The following ZNF362 variants were observed in gnomAD, a reference collection of about 807,000 sequenced individuals.
ZNF362 encodes the protein rotund homolog.
In ZNF362, 11 loss-of-function variants were observed where a neutral mutation model predicts 42.9. The observed-to-expected ratio is 0.26, with a 90% CI of 0.16 to 0.42. The LOEUF is 0.42. Among genes scored for constraint, ZNF362 ranks in the 20% least tolerant of loss-of-function variants. ZNF362 has a pLI of 1.00. For synonymous variants in ZNF362, 255 were observed against 257.3 expected, an observed-to-expected ratio of 0.99 and a Z score of 0.09; for missense variants, 362 against 576.2, an observed-to-expected ratio of 0.63 and a Z score of 3.81.
chr1:33,239,751 G>C, the ZNF362 span, among the ~76,000 whole-genome samples: 187 of 152,282 alleles, frequency 1.2e-3, 1 homozygote, highest in South Asian at 3.3e-3. Flanking sequence ...CCCTTGACAC[G>C]TGGAGATTAC....
the ZNF362 span, among the ~76,000 whole-genome samples, chr1:33,223,414 A>T: frequency 5.3e-5 from 8 of 152,332 alleles, no homozygotes; most frequent in South Asian, 1.2e-3. Flanking sequence ...TCTTTTGTAG[A>T]TTGCCCAGTC....
chr1:33,207,591 T>C, the ZNF362 span, among the ~76,000 whole-genome samples: 1 of 152,234 alleles, frequency 6.6e-6, no homozygotes, highest in East Asian at 1.9e-4. Flanking sequence ...TTCCTATTTT[T>C]CCACATCCTC....
chr1:33,207,432 G>A, the ZNF362 span, among the ~76,000 whole-genome samples: 1 of 152,142 alleles, frequency 6.6e-6, no homozygotes, highest in Non-Finnish European at 1.5e-5. Context: ...TGTCTTTATA[G>A]CAGCATGATT....
At chr1:33,218,086 C>T in the ZNF362 span, among the ~76,000 whole-genome samples, 7 of 152,224 alleles carry the variant, frequency 4.6e-5, no homozygotes, top group East Asian at 1.2e-3. Context: ...GCAGCAAACA[C>T]CTTTAAACAT....
chr1:33,230,882 G>A, the ZNF362 span, among the ~76,000 whole-genome samples: 1 of 152,172 alleles, frequency 6.6e-6, no homozygotes, highest in Non-Finnish European at 1.5e-5. Flanking sequence ...GAGATGCTCA[G>A]GGATATAAAA....
the ZNF362 span, among the ~76,000 whole-genome samples, chr1:33,202,583 G>A: frequency 1.5e-5 from 2 of 131,132 alleles, no homozygotes; most frequent in African/African-American, 2.9e-5. Flanking sequence ...GGGTGACAGA[G>A]CGAGACTCCA....
chr1:33,246,354 A>G, the ZNF362 span, among the ~76,000 whole-genome samples: 1 of 152,150 alleles, frequency 6.6e-6, no homozygotes, highest in Non-Finnish European at 1.5e-5. Flanking sequence ...CTCTCGAGGA[A>G]AGACCAGGAG....
At chr1:33,249,528 G>C in the ZNF362 span, among the ~76,000 whole-genome samples, 1 of 152,268 alleles carries the variant, frequency 6.6e-6, no homozygotes, top group African/African-American at 2.4e-5. Flanking sequence ...TCTCCCCAGA[G>C]AAAGTGATAG....
the ZNF362 span, among the ~76,000 whole-genome samples, chr1:33,232,375 C>T: frequency 0.29 from 44,274 of 152,060 alleles, 7,918 homozygotes; most frequent in Admixed American, 0.44. Context: ...AGCGATTCTC[C>T]TGCCTCAGCC....
At chr1:33,291,896 G>A (rs1646081077) in intron 6 of ZNF362, among the ~76,000 whole-genome samples, 1 of 152,180 alleles carries the variant, frequency 6.6e-6, no homozygotes, top group African/African-American at 2.4e-5. Context: ...AAGAATGCTT[G>A]TGATTTTTGC....
At chr1:33,252,124 G>A (rs552944727), upstream of ZNF362, among the ~76,000 whole-genome samples, 69 of 152,280 alleles carry the variant, frequency 4.5e-4, no homozygotes, top group African/African-American at 1.5e-3. Flanking sequence ...AGGCTGAGGC[G>A]GGCAGATCAC....
the ZNF362 span, among the ~76,000 whole-genome samples, chr1:33,154,092 G>A: frequency 1.3e-5 from 2 of 152,238 alleles, no homozygotes; most frequent in Admixed American, 1.3e-4. Context: ...TGCAGCCGAA[G>A]GGAATGGCAT....
At chr1:33,183,634 C>T in the ZNF362 span, among the ~76,000 whole-genome samples, 1 of 152,156 alleles carries the variant, frequency 6.6e-6, no homozygotes, top group African/African-American at 2.4e-5. Flanking sequence ...ACGGTTTGGG[C>T]AGGTCCAGCC....
At chr1:33,147,549 G>A in the ZNF362 span, 3 of 1,614,076 alleles carry the variant, frequency 1.9e-6, no homozygotes, top group South Asian at 2.2e-5. This position sits in a 1 kb window ranked among gnomAD's most constrained non-coding sequence, Gnocchi z 8.1. Context: ...CCACCTCCCA[G>A]TAGTGGACGC....
At chr1:33,211,628 T>C in the ZNF362 span, among the ~76,000 whole-genome samples, 1 of 152,204 alleles carries the variant, frequency 6.6e-6, no homozygotes, top group Non-Finnish European at 1.5e-5. Context: ...GGCTTCCCTT[T>C]GTGGGTAACC....
the ZNF362 span, among the ~76,000 whole-genome samples, chr1:33,204,450 A>G: frequency 6.6e-6 from 1 of 152,180 alleles, no homozygotes; most frequent in Non-Finnish European, 1.5e-5. Flanking sequence ...TGCTTTGGCT[A>G]CTTGTGGTCT....
chr1:33,205,203 G>A, the ZNF362 span, among the ~76,000 whole-genome samples: 1 of 152,112 alleles, frequency 6.6e-6, no homozygotes, highest in Non-Finnish European at 1.5e-5. Context: ...GCAGAGAATG[G>A]CTGGGCACAG....
chr1:33,155,627 C>T, the ZNF362 span, among the ~76,000 whole-genome samples: 3 of 152,142 alleles, frequency 2.0e-5, no homozygotes, highest in Non-Finnish European at 2.9e-5. Context: ...ATTTCCAAGT[C>T]GTGACCAAGG....
At chr1:33,285,571 C>T (rs1646026446) in intron 6 of ZNF362, among the ~76,000 whole-genome samples, 1 of 152,218 alleles carries the variant, frequency 6.6e-6, no homozygotes, top group African/African-American at 2.4e-5. Context: ...TTATGCCAGC[C>T]TCTGTGCATT....
Sources: allele counts gnomAD v4.1 joint callset (sites outside exome capture counted in the v4.1 genomes callset), GRCh38; gene constraint gnomAD v4.1.1; non-coding constraint Gnocchi (gnomAD v3.1); transcripts MANE v1.5; gene names NCBI Gene and HGNC (gene_info 2026-07-23, HGNC 2026-07-21).